The following TAGLN3 variants were observed in gnomAD, a reference collection of about 807,000 sequenced individuals.
TAGLN3 encodes transgelin-3.
In TAGLN3, 12 loss-of-function variants were observed where a neutral mutation model predicts 25.4. That is an observed-to-expected ratio of 0.47 (90% CI 0.30 to 0.77). The LOEUF (loss-of-function observed/expected upper bound fraction) is 0.77. TAGLN3 is among the 30% of genes least tolerant of loss of function. The probability of loss-of-function intolerance (pLI) is 0.06; values close to 1 mark genes in which losing one functional copy is unlikely to be tolerated. For synonymous variants in TAGLN3, 96 were observed against 94.8 expected (o/e 1.01, Z -0.08); for missense variants, 218 against 255.8 (o/e 0.85, Z 1.01).
Position 112,013,684 on chromosome 3 carries a change from G to C in TAGLN3, c.*133G>C. On this transcript the variant is annotated 3_prime_UTR_variant, in exon 5 of 5. Coordinates refer to ENST00000478951, the MANE Select transcript of TAGLN3 (RefSeq NM_001008272.2). ...TCTGTCCCTGGTTTTTGCAAGTGCT[G>C]CATTTCCGCCGAGAATCCGCGTTGC... 7.2e-7 allele frequency: 1 copy of C among 1,394,748 alleles called. No individual in the cohort carries two copies. Among genetic ancestry groups the C allele is most frequent in the Non-Finnish European group, 9.9e-7 (1 of 1,006,170 alleles). 86.4% of individuals were successfully genotyped at this position (1,394,748 alleles called of 1,614,324 possible). A position where few individuals can be genotyped will look rare whatever the true frequency, so the allele number is the denominator to read the frequency against.
chr3:112,013,315 TG>T (rs1412128184), intron 4 of TAGLN3, 94 bp from the exon 5 acceptor site: 4 of 1,484,526 alleles, frequency 2.7e-6, no homozygotes, highest in Non-Finnish European at 3.6e-6. Flanking sequence ...CTGATCTATT[TG>T]GGGACCCCCA....
Position 112,013,620 on chromosome 3 carries a change from G to A in TAGLN3, c.*69G>A, listed in dbSNP as rs774534961. 1.2e-6 allele frequency: 2 copies of A among 1,605,720 alleles called. No homozygotes were observed. The highest frequency in any genetic ancestry group is 8.5e-7 in the Non-Finnish European group (1 of 1,174,640). On this transcript the variant is annotated 3_prime_UTR_variant, in exon 5 of 5. Coordinates refer to ENST00000478951, the MANE Select transcript of TAGLN3 (RefSeq NM_001008272.2). ...CCATGGTCTCTACGAAAAAGAAATA[G>A]TTAGTCACCTTCTGACCTTCTCCTC...
rs1445383180 is a variant in TAGLN3 at position 112,000,835 on chromosome 3, G to C, written c.244G>C (p.Glu82Gln). ...ACAAGAGCCCATACCCAAGATCTCA[G>C]AGTCAAAGATGGCTTTTAAGCAGAT... ...PGQEPIPKISESKMAFKQMEQ... is the reference protein window; with the variant it reads ...PGQEPIPKISQSKMAFKQMEQ... The change falls in exon 3 of 5, where the codon GAG becomes CAG. Residue 82 changes from glutamate (E) to glutamine (Q), a missense_variant. Coordinates refer to ENST00000478951, the MANE Select transcript of TAGLN3 (RefSeq NM_001008272.2). The C allele has an allele frequency of 5.0e-6, 8 of 1,614,076 alleles. No individual in the cohort carries two copies. The highest frequency in any genetic ancestry group is 6.8e-6 in the Non-Finnish European group (8 of 1,180,040).
intron 4 of TAGLN3, 114 bp from the exon 5 acceptor site, chr3:112,013,296 T>C (rs1481828217): frequency 5.9e-6 from 8 of 1,349,990 alleles, no homozygotes; most frequent in African/African-American, 4.4e-5. Context: ...CAGCTCAGGG[T>C]AGGACCTGCT....
intron 4 of TAGLN3, among the ~76,000 whole-genome samples, chr3:112,012,752 A>G (rs12634998): frequency 0.31 from 47,253 of 152,104 alleles, 7,561 homozygotes; most frequent in East Asian, 0.45. Flanking sequence ...ATGTGGCTAC[A>G]CAACCACAAT....
chr3:112,009,842 C>T (rs1004502521), intron 3 of TAGLN3, among the ~76,000 whole-genome samples: 8 of 151,942 alleles, frequency 5.3e-5, no homozygotes, highest in Non-Finnish European at 1.2e-4. Flanking sequence ...CTTCCTTTTC[C>T]ACTCTCCTGG....
Position 112,013,792 on chromosome 3 carries a change from CTGTT to C in TAGLN3, c.*244_*247del, listed in dbSNP as rs1216131912. On this transcript the variant is annotated 3_prime_UTR_variant, in exon 5 of 5. Transcript: ENST00000478951. ...CTGAGCTCCTCGGGCCCCAGAGTCT[CTGTT>C]TGATTATTTATTTATTTATTTATTT... 1 of 553,780 alleles carries C rather than the reference CTGTT, an allele frequency of 1.8e-6. No homozygotes were observed. Among genetic ancestry groups the C allele is most frequent in the African/African-American group, 2.0e-5 (1 of 50,386 alleles). 34.3% of individuals were successfully genotyped at this position (553,780 alleles called of 1,614,324 possible). A position where few individuals can be genotyped will look rare whatever the true frequency, so the allele number is the denominator to read the frequency against.
At chr3:112,004,446 G>A (rs1559942508) in intron 3 of TAGLN3, among the ~76,000 whole-genome samples, 3 of 152,026 alleles carry the variant, frequency 2.0e-5, no homozygotes, top group Admixed American at 6.5e-5. Context: ...GAGTGTGCTG[G>A]TGTAGTATCA....
rs113269833 is a variant in TAGLN3, at chr3:111,999,856, T to G, written c.180+254T>G. Among the ~76,000 whole-genome samples the G allele has an allele frequency of 3.2e-3, 490 of 152,306 alleles. 2 individuals carry two copies. The highest frequency in any genetic ancestry group is 5.4e-3 in the Non-Finnish European group (366 of 68,026). On this transcript the variant is annotated intron_variant, in intron 2 of 4. Transcript: ENST00000478951. The stretch of plus-strand genomic sequence containing the variant: ...CTGAGTTGGCAAATTCGAAGCCCTT[T>G]TGATTTTTCTAATGAGAATAGAGAT...
In TAGLN3 at chr3:112,013,336, G is replaced by C; in HGVS notation, c.459-74G>C. ...TATTTGGGGACCCCCAGCAGAGCCT[G>C]TCTAATTGCATATCTTGAAAAGGAT... On this transcript the variant is annotated intron_variant, in intron 4 of 4. Coordinates refer to ENST00000478951, the MANE Select transcript of TAGLN3 (RefSeq NM_001008272.2). 2.6e-6 allele frequency: 4 copies of C among 1,546,638 alleles called. No homozygotes were observed. In the South Asian group the frequency reaches 5.0e-5, roughly 19 times the overall value.
At chr3:112,008,987 C>G (rs907102566) in intron 3 of TAGLN3, among the ~76,000 whole-genome samples, 1 of 152,110 alleles carries the variant, frequency 6.6e-6, no homozygotes, top group East Asian at 1.9e-4. Flanking sequence ...TGGTGGAAGG[C>G]GAAGGGGAGC....
chr3:112,006,155 C>A (rs2072915089), intron 3 of TAGLN3, among the ~76,000 whole-genome samples: 1 of 152,140 alleles, frequency 6.6e-6, no homozygotes, highest in Non-Finnish European at 1.5e-5. Context: ...AGCAATGGCT[C>A]TCTAATGCCA....
At chr3:112,009,636 T>C (rs2072954134) in intron 3 of TAGLN3, among the ~76,000 whole-genome samples, 1 of 152,212 alleles carries the variant, frequency 6.6e-6, no homozygotes, top group South Asian at 2.1e-4. Flanking sequence ...TTAATTAACC[T>C]CTTTGAAATA....
At chr3:112,002,869 C>T (rs534002725) in intron 3 of TAGLN3, among the ~76,000 whole-genome samples, 8 of 152,050 alleles carry the variant, frequency 5.3e-5, no homozygotes, top group East Asian at 1.9e-4. Flanking sequence ...TGTACAGAGT[C>T]GGAGGAGGTA....
At chr3:112,008,135 A>G (rs1037812134) in intron 3 of TAGLN3, among the ~76,000 whole-genome samples, 13 of 152,202 alleles carry the variant, frequency 8.5e-5, no homozygotes, top group African/African-American at 1.9e-4. Flanking sequence ...CTCAAAATGC[A>G]TATTTTAAAA....
chr3:112,007,578 G>C lies in TAGLN3; in HGVS notation c.356-4185G>C, dbSNP rs759786735. Among the ~76,000 whole-genome samples, 6 of 152,068 alleles carry C rather than the reference G, an allele frequency of 3.9e-5. No homozygotes were observed. The East Asian group carries it at 1.2e-3, about 29-fold the overall frequency. ...CTATCCCTCCATCCAGAAAATTCCCGACACTTAGTTGATCCTTCTTTGAGG... is the reference window on the plus strand; with the variant it reads ...CTATCCCTCCATCCAGAAAATTCCCCACACTTAGTTGATCCTTCTTTGAGG... On this transcript the variant is annotated intron_variant, in intron 3 of 4. Transcript: ENST00000478951.
intron 3 of TAGLN3, among the ~76,000 whole-genome samples, chr3:112,003,131 T>C (rs1429788252): frequency 1.3e-5 from 2 of 151,724 alleles, no homozygotes; most frequent in Non-Finnish European, 2.9e-5. Context: ...GTAGGTAGGG[T>C]TGAACAGGAG....
chr3:111,999,384 T>C (rs747184621), intron 1 of TAGLN3, 37 bp from the exon 2 acceptor site: 2 of 1,604,502 alleles, frequency 1.2e-6, no homozygotes, highest in Non-Finnish European at 8.5e-7. Flanking sequence ...GCTGCTGCTA[T>C]TGTGTGGATG....
chr3:112,002,496 C>T (rs141044496), intron 3 of TAGLN3, among the ~76,000 whole-genome samples: 100 of 152,202 alleles, frequency 6.6e-4, no homozygotes, highest in Non-Finnish European at 1.2e-3. Context: ...TCACCTACAC[C>T]GTGAGTGTGC....
Sources: gnomAD v4.1 joint callset for allele counts (sites outside exome capture counted in the v4.1 genomes callset) on GRCh38, gnomAD v4.1.1 for gene constraint, MANE v1.5 for transcripts, NCBI Gene and HGNC (gene_info 2026-07-23, HGNC 2026-07-21) for gene names.